Variants in CDS2 observed in about 807,000 individuals in gnomAD.
CDS2 encodes CDP-diacylglycerol synthase 2, also known as phosphatidate cytidylyltransferase 2.
In CDS2, 47 loss-of-function variants were observed where a neutral mutation model predicts 59.0. The observed-to-expected ratio is 0.80, with a 90% CI of 0.63 to 1.02. CDS2 has a LOEUF of 1.02. Among genes scored for constraint, CDS2 ranks in the 50% least tolerant of loss-of-function variants. CDS2 has a pLI of 0.00. For synonymous variants in CDS2, 207 were observed against 206.4 expected (o/e 1.00, Z -0.02); for missense variants, 356 against 558.9 (o/e 0.64, Z 3.66).
In CDS2 at chr20:5,184,025, C is replaced by T. The variant is rs557470083; in HGVS notation, c.672-833C>T. On this transcript the variant is annotated intron_variant, in intron 7 of 12. Coordinates refer to ENST00000460006, the MANE Select transcript of CDS2 (RefSeq NM_003818.4). This position sits in a 1 kb window ranked among gnomAD's most constrained non-coding sequence, Gnocchi z 4.3. ...TACAAAAAAATAGCTGGTGTGGTGG[C>T]GTGGCAGGTGCCTGTAATCCTAGCT... Among the ~76,000 whole-genome samples, 197 of 152,090 alleles carry T rather than the reference C, an allele frequency of 1.3e-3. No homozygotes were observed. The highest frequency in any genetic ancestry group is 2.4e-3 in the Non-Finnish European group (161 of 67,962).
chr20:5,130,983 C>T (rs1004530137), intron 1 of CDS2, among the ~76,000 whole-genome samples: 1 of 151,246 alleles, frequency 6.6e-6, no homozygotes, highest in South Asian at 2.1e-4. Context: ...CCCAGCTACT[C>T]GGAAGGCTGA....
Position 5,184,717 on chromosome 20 carries a change from A to T in CDS2, c.672-141A>T. 1 of 697,154 alleles carries T rather than the reference A, an allele frequency of 1.4e-6. No homozygotes were observed. The highest frequency in any genetic ancestry group is 1.7e-5 in the South Asian group (1 of 58,442). 43.2% of individuals were successfully genotyped at this position (697,154 alleles called of 1,614,324 possible). On this transcript the variant is annotated intron_variant, in intron 7 of 12. Transcript: ENST00000460006. The surrounding 1 kb of genome is among the most constrained non-coding windows in gnomAD (Gnocchi z 4.3). ...AGGTATGACTTTTTTGGTATTTTTT[A>T]TGTTTTTAACTTACTCCTTAATGGG...
intron 1 of CDS2, among the ~76,000 whole-genome samples, chr20:5,129,265 A>C (rs1348660470): frequency 6.6e-5 from 10 of 151,888 alleles, no homozygotes; most frequent in Non-Finnish European, 1.5e-4. Context: ...CTGAATTGTC[A>C]TGTATGGGAT....
Position 5,179,658 on chromosome 20 carries a change from C to A in CDS2, c.529+702C>A, listed in dbSNP as rs568762068. The stretch of plus-strand genomic sequence containing the variant: ...ACATTGTAGCATGGTGGAAATTTTA[C>A]TGGATTTGGGCGTAGACTCTGCAAC... On this transcript the variant is annotated intron_variant, in intron 5 of 12. Coordinates refer to ENST00000460006, the MANE Select transcript of CDS2 (RefSeq NM_003818.4). Among the ~76,000 whole-genome samples the A allele has an allele frequency of 8.5e-5, 13 of 152,340 alleles. No homozygotes were observed. The East Asian group carries it at 2.5e-3, about 29-fold the overall frequency.
Position 5,186,857 on chromosome 20 carries a change from G to C in CDS2, c.981+18G>C, listed in dbSNP as rs766714710. ...TTGGCTGGGTATGTGCCACTCACAG[G>C]GGGTGAGCGGCCTCCATGGACAGTG... On this transcript the variant is annotated intron_variant, in intron 10 of 12. Coordinates refer to ENST00000460006, the MANE Select transcript of CDS2 (RefSeq NM_003818.4). The C allele has an allele frequency of 5.6e-6, 9 of 1,613,346 alleles. No homozygotes were observed. Among genetic ancestry groups the C allele is most frequent in the African/African-American group, 2.7e-5 (2 of 74,902 alleles).
chr20:5,165,728 C>G (rs372628075), intron 1 of CDS2, among the ~76,000 whole-genome samples: 1 of 152,022 alleles, frequency 6.6e-6, no homozygotes, highest in East Asian at 1.9e-4. Context: ...TAAGGAAGGA[C>G]AGGGGCCGCT....
chr20:5,167,792 A>G (rs1480252918), intron 1 of CDS2, among the ~76,000 whole-genome samples: 4 of 152,226 alleles, frequency 2.6e-5, no homozygotes, highest in African/African-American at 9.6e-5. Context: ...GGCTTAGACT[A>G]ATGACTTTCC....
At chr20:5,178,713 TG>T (rs1005162214) in intron 4 of CDS2, 103 bp from the exon 5 acceptor site, 17 of 1,162,676 alleles carry the variant, frequency 1.5e-5, no homozygotes, top group East Asian at 2.4e-5. Context: ...GACTCAAGGG[TG>T]GGGGGTATTC....
chr20:5,182,864 A>T (rs559822443), intron 6 of CDS2, among the ~76,000 whole-genome samples, 197 bp from the exon 7 acceptor site: 1 of 152,108 alleles, frequency 6.6e-6, no homozygotes, highest in Non-Finnish European at 1.5e-5. Flanking sequence ...GGGAGAGCTC[A>T]CTCACTAGTG....
intron 1 of CDS2, among the ~76,000 whole-genome samples, chr20:5,137,957 C>G (rs1219883281): frequency 4.0e-5 from 6 of 151,564 alleles, no homozygotes; most frequent in Admixed American, 1.3e-4. Flanking sequence ...CGCCACCATG[C>G]CCAGCTAATT....
chr20:5,140,845 T>C (rs2090687565), intron 1 of CDS2, among the ~76,000 whole-genome samples: 1 of 152,238 alleles, frequency 6.6e-6, no homozygotes, highest in Non-Finnish European at 1.5e-5. Flanking sequence ...TGATCAAGAC[T>C]CTAGTTCTAA....
rs992869661 is a variant in CDS2, at chr20:5,127,061, G to C, written c.-32G>C. ...GCCTGCTCCGGCGGCTTCGCTGCTAGCTCGCGGCGACGTCGGGCCGATTTT... is the reference window on the plus strand; with the variant it reads ...GCCTGCTCCGGCGGCTTCGCTGCTACCTCGCGGCGACGTCGGGCCGATTTT... On this transcript the variant is annotated 5_prime_UTR_variant, in exon 1 of 13. Coordinates refer to ENST00000460006, the MANE Select transcript of CDS2 (RefSeq NM_003818.4). The C allele has an allele frequency of 6.0e-6, 9 of 1,488,380 alleles. No individual in the cohort carries two copies. Among genetic ancestry groups the C allele is most frequent in the African/African-American group, 4.4e-5 (3 of 68,288 alleles). The allele number at this position is 1,488,380 out of a possible 1,614,324, so 92.2% of individuals were successfully genotyped here.
At chr20:5,165,982 G>A (rs909997970) in intron 1 of CDS2, among the ~76,000 whole-genome samples, 2 of 152,162 alleles carry the variant, frequency 1.3e-5, no homozygotes, top group South Asian at 2.1e-4. Flanking sequence ...CAAGGGGCTT[G>A]TATGCCATTT....
Position 5,190,341 on chromosome 20 carries a change from CTTTT to C in CDS2, c.*120_*123del, listed in dbSNP as rs11477708. The stretch of plus-strand genomic sequence containing the variant: ...CAATGACGAGGCTTCAACTCACTGT[CTTTT>C]TTTTTTTTTTTTGGAGGGTATTTTT... On this transcript the variant is annotated 3_prime_UTR_variant, in exon 13 of 13. Coordinates refer to ENST00000460006, the MANE Select transcript of CDS2 (RefSeq NM_003818.4). The C allele has an allele frequency of 6.9e-4, 471 of 686,894 alleles. No individual in the cohort carries two copies. The highest frequency in any genetic ancestry group is 9.0e-4 in the South Asian group (28 of 31,184). 42.5% of individuals were successfully genotyped at this position (686,894 alleles called of 1,614,324 possible).
At chr20:5,153,966 G>T (rs1010472696) in intron 1 of CDS2, among the ~76,000 whole-genome samples, 4 of 152,152 alleles carry the variant, frequency 2.6e-5, no homozygotes, top group African/African-American at 9.7e-5. Flanking sequence ...GTGGCATGCA[G>T]GTATGACAAA....
chr20:5,189,446 C>A (rs967400414), intron 11 of CDS2, among the ~76,000 whole-genome samples: 5 of 152,120 alleles, frequency 3.3e-5, no homozygotes, highest in Non-Finnish European at 7.3e-5. Flanking sequence ...TGTCTGTAAC[C>A]CCAGCACTTT....
intron 1 of CDS2, among the ~76,000 whole-genome samples, chr20:5,161,936 A>G (rs568165785): frequency 3.2e-4 from 49 of 152,308 alleles, no homozygotes; most frequent in South Asian, 1.0e-3. Context: ...GCCATTAGCT[A>G]TTTTTGCTGT....
At position 5,189,965 on chromosome 20, in the gene CDS2, T is replaced by C. The variant is rs1230353083; in HGVS notation, c.1205+127T>C. 4 of 1,369,210 alleles carry C rather than the reference T, an allele frequency of 2.9e-6. No individual in the cohort carries two copies. The African/African-American group carries it at 5.8e-5, about 20-fold the overall frequency. 84.8% of individuals were successfully genotyped at this position (1,369,210 alleles called of 1,614,324 possible). A position where few individuals can be genotyped will look rare whatever the true frequency, so the allele number is the denominator to read the frequency against. On this transcript the variant is annotated intron_variant, in intron 12 of 12. Coordinates refer to ENST00000460006, the MANE Select transcript of CDS2 (RefSeq NM_003818.4). ...AATGCAGTTTTCAGTTGTTTCTGCT[T>C]ACAGATTTTCTGAGGCCTCCTGTCA... is the stretch of plus-strand genomic sequence containing the variant.
intron 1 of CDS2, among the ~76,000 whole-genome samples, chr20:5,151,977 C>A (rs887262771): frequency 2.0e-5 from 3 of 148,146 alleles, no homozygotes; most frequent in African/African-American, 7.5e-5. Context: ...TTGGTCAGGC[C>A]AGTCTTGAAC....
Sources: gnomAD v4.1 joint callset for allele counts (sites outside exome capture counted in the v4.1 genomes callset) on GRCh38, gnomAD v4.1.1 for gene constraint, Gnocchi (gnomAD v3.1) non-coding constraint, MANE v1.5 for transcripts, NCBI Gene and HGNC (gene_info 2026-07-23, HGNC 2026-07-21) for gene names.